Variants in DTNA observed in about 807,000 individuals in gnomAD.
DTNA encodes dystrobrevin alpha.
Under a neutral mutation model 100.7 loss-of-function variants are expected in DTNA, and 43 were observed. The observed-to-expected ratio is 0.43, with a 90% CI of 0.33 to 0.55. DTNA has a LOEUF of 0.55. Among genes scored for constraint, DTNA ranks in the 20% least tolerant of loss-of-function variants. DTNA has a pLI of 0.04. For missense variants in DTNA, 798 were observed against 953.9 expected (o/e 0.84, Z 2.15); for synonymous variants, 349 against 347.9 (o/e 1.00, Z -0.04).
intron 16 of DTNA, among the ~76,000 whole-genome samples, chr18:34,861,851 A>C (rs537583736): frequency 1.3e-5 from 2 of 152,174 alleles, no homozygotes; most frequent in African/African-American, 4.8e-5. Context: ...TTAATTTGCC[A>C]TTACTCTTAA....
intron 1 of DTNA, among the ~76,000 whole-genome samples, chr18:34,667,357 T>C (rs2076082480): frequency 1.3e-5 from 2 of 152,240 alleles, no homozygotes; most frequent in Admixed American, 1.3e-4. Context: ...TATACAATCA[T>C]GTCATCCGCA....
rs1322244100 is a variant in DTNA, at chr18:34,777,743, T to C, written c.148+11702T>C. ...AGCTCTCATGCGAACTCACTCACTA[T>C]TATGAGAACAGCATGGGGGAAACTG... On this transcript the variant is annotated intron_variant, in intron 3 of 22. Transcript: ENST00000444659. Among the ~76,000 whole-genome samples the C allele has an allele frequency of 2.0e-5, 3 of 152,174 alleles. No homozygotes were observed. In the East Asian group the frequency reaches 5.8e-4, roughly 29 times the overall value.
chr18:34,548,680 G>A (rs1284816310), intron 1 of DTNA, among the ~76,000 whole-genome samples: 1 of 151,988 alleles, frequency 6.6e-6, no homozygotes, highest in Non-Finnish European at 1.5e-5. Context: ...ACCATCCCAA[G>A]CCAGGAGTCA....
intron 1 of DTNA, among the ~76,000 whole-genome samples, chr18:34,740,592 G>C (rs35946886): frequency 0.23 from 34,773 of 151,916 alleles, 4,812 homozygotes; most frequent in African/African-American, 0.39. Flanking sequence ...AGTTTTGAGA[G>C]CAGCCTGGGT....
In DTNA at chr18:34,549,216, G is replaced by A. The variant is rs1308354295; in HGVS notation, c.-2+55702G>A. On this transcript the variant is annotated intron_variant, in intron 1 of 19. Coordinates refer to the DTNA transcript ENST00000283365. ...CTGGTTTCTGACCCCTCTATGATCT[G>A]TCCACACTAGAGCCATCAGAATCTC... Among the ~76,000 whole-genome samples, 5 of 151,988 alleles carry A rather than the reference G, an allele frequency of 3.3e-5. 1 individual carries two copies. Among genetic ancestry groups the A allele is most frequent in the Non-Finnish European group, 5.9e-5 (4 of 68,000 alleles).
intron 16 of DTNA, among the ~76,000 whole-genome samples, chr18:34,862,122 G>C (rs2096635670): frequency 2.0e-5 from 2 of 100,832 alleles, no homozygotes; most frequent in East Asian, 4.4e-4. Flanking sequence ...CACAGACAAG[G>C]TCAAAAAAAA....
chr18:34,608,081 T>C (rs1321439968), intron 1 of DTNA, among the ~76,000 whole-genome samples: 2 of 152,228 alleles, frequency 1.3e-5, no homozygotes, highest in East Asian at 3.8e-4. Context: ...CAATCCCTGA[T>C]GAGGCTACCC....
At chr18:34,549,410 C>T (rs2045159194) in intron 1 of DTNA, among the ~76,000 whole-genome samples, 1 of 152,008 alleles carries the variant, frequency 6.6e-6, no homozygotes. Context: ...AAAGCCTGTG[C>T]TTTGATTTAA....
intron 18 of DTNA, among the ~76,000 whole-genome samples, chr18:34,877,283 C>T (rs1401075716): frequency 6.6e-6 from 1 of 152,182 alleles, no homozygotes; most frequent in African/African-American, 2.4e-5. Context: ...GCTCAGCCAC[C>T]AGGTAAGGGC....
intron 1 of DTNA, among the ~76,000 whole-genome samples, chr18:34,571,450 T>C (rs940596458): frequency 1.3e-5 from 2 of 152,072 alleles, no homozygotes; most frequent in African/African-American, 4.8e-5. Context: ...AGATGAAATA[T>C]TCTGAACAGA....
At chr18:34,620,136 G>C (rs1214164952) in intron 1 of DTNA, among the ~76,000 whole-genome samples, 5 of 152,148 alleles carry the variant, frequency 3.3e-5, no homozygotes, top group African/African-American at 1.2e-4. Flanking sequence ...AGTCTTACTG[G>C]GAACAGGTTC....
chr18:34,777,714 C>T (rs1282244333), intron 3 of DTNA, among the ~76,000 whole-genome samples: 1 of 152,080 alleles, frequency 6.6e-6, no homozygotes, highest in East Asian at 1.9e-4. Context: ...CTTATAAAAC[C>T]ATCAGCTCTC....
chr18:34,720,924 A>G (rs1192214173), intron 1 of DTNA, among the ~76,000 whole-genome samples: 1 of 152,212 alleles, frequency 6.6e-6, no homozygotes, highest in Non-Finnish European at 1.5e-5. Flanking sequence ...AGTGTCTGAA[A>G]TAATCTCTGC....
intron 17 of DTNA, among the ~76,000 whole-genome samples, chr18:34,865,135 G>T (rs1380439694): frequency 6.6e-6 from 1 of 152,218 alleles, no homozygotes; most frequent in Non-Finnish European, 1.5e-5. Context: ...GAATGGTAAA[G>T]GGAAGACCCT....
At chr18:34,635,964 A>T (rs578090747) in intron 1 of DTNA, among the ~76,000 whole-genome samples, 1 of 151,916 alleles carries the variant, frequency 6.6e-6, no homozygotes, top group Admixed American at 6.6e-5. Flanking sequence ...TTTGTCTGTC[A>T]GTCTTCTTTC....
chr18:34,720,632 T>A (rs574017358), intron 1 of DTNA, among the ~76,000 whole-genome samples: 1 of 152,330 alleles, frequency 6.6e-6, no homozygotes, highest in African/African-American at 2.4e-5. Context: ...ATCAGTGACC[T>A]GAGAATTCAC....
intron 1 of DTNA, among the ~76,000 whole-genome samples, chr18:34,540,532 G>A (rs2044148851): frequency 6.6e-6 from 1 of 151,904 alleles, no homozygotes; most frequent in Non-Finnish European, 1.5e-5. Flanking sequence ...GATGGACAGT[G>A]ACTTTATTAA....
intron 16 of DTNA, among the ~76,000 whole-genome samples, chr18:34,862,190 T>C (rs1199598113): frequency 6.7e-6 from 1 of 150,264 alleles, no homozygotes; most frequent in Non-Finnish European, 1.5e-5. Context: ...AGGAATATTC[T>C]TGAATGGGGC....
At chr18:34,743,603 T>C (rs935522411) in intron 1 of DTNA, among the ~76,000 whole-genome samples, 10 of 152,164 alleles carry the variant, frequency 6.6e-5, no homozygotes, top group Non-Finnish European at 1.3e-4. Flanking sequence ...TAGGTTCTCT[T>C]ATGTTCTCAT....
Sources: gnomAD v4.1 joint callset for allele counts (sites outside exome capture counted in the v4.1 genomes callset) on GRCh38, gnomAD v4.1.1 for gene constraint, MANE v1.5 for transcripts, NCBI Gene and HGNC (gene_info 2026-07-23, HGNC 2026-07-21) for gene names.